Variants in GALNTL6 observed in about 807,000 individuals in gnomAD.
GALNTL6 encodes the protein polypeptide N-acetylgalactosaminyltransferase like 6.
A neutral mutation model predicts 73.7 loss-of-function variants in GALNTL6; 46 were observed. The observed-to-expected ratio is 0.62, with a 90% CI of 0.49 to 0.80. The LOEUF (loss-of-function observed/expected upper bound fraction) is 0.80. GALNTL6 is among the 30% of genes least tolerant of loss of function. GALNTL6 has a pLI of 0.00. For synonymous variants in GALNTL6, 259 were observed against 263.7 expected (o/e 0.98, Z 0.17); for missense variants, 604 against 755.0 (o/e 0.80, Z 2.34).
chr4:172,518,890 C>T (rs192248151), intron 5 of GALNTL6, among the ~76,000 whole-genome samples: 1 of 151,702 alleles, frequency 6.6e-6, no homozygotes, highest in Non-Finnish European at 1.5e-5. Flanking sequence ...AATAAAGACA[C>T]TAAGGTTTCA....
intron 3 of GALNTL6, among the ~76,000 whole-genome samples, chr4:172,237,822 T>C (rs1737290801): frequency 6.6e-6 from 1 of 152,062 alleles, no homozygotes; most frequent in Non-Finnish European, 1.5e-5. Context: ...CCAGTTACCA[T>C]AGCACCATTT....
At chr4:172,762,909 C>T (rs74429661) in intron 5 of GALNTL6, among the ~76,000 whole-genome samples, 1 of 42,756 alleles carries the variant, frequency 2.3e-5, no homozygotes, top group South Asian at 4.4e-4. Context: ...GTTTAAAAAA[C>T]ATTAGAAAAG....
intron 7 of GALNTL6, among the ~76,000 whole-genome samples, chr4:172,826,494 T>C (rs1438044271): frequency 6.6e-6 from 1 of 152,144 alleles, no homozygotes; most frequent in Non-Finnish European, 1.5e-5. Flanking sequence ...AGGATATAAA[T>C]TCCAAACCAC....
intron 7 of GALNTL6, among the ~76,000 whole-genome samples, chr4:172,872,837 G>A (rs894201321): frequency 1.5e-4 from 23 of 152,120 alleles, no homozygotes; most frequent in Admixed American, 8.5e-4. Context: ...CACCTCTCCC[G>A]TCAATCACTA....
At chr4:172,102,993 A>G (rs927013976) in intron 2 of GALNTL6, among the ~76,000 whole-genome samples, 2 of 152,228 alleles carry the variant, frequency 1.3e-5, no homozygotes, top group African/African-American at 4.8e-5. Flanking sequence ...AGGAACCTGA[A>G]GAAGACCTCT....
chr4:172,113,061 G>A (rs1008736572), intron 2 of GALNTL6, among the ~76,000 whole-genome samples: 1 of 151,600 alleles, frequency 6.6e-6, no homozygotes, highest in South Asian at 2.1e-4. Flanking sequence ...ACATTTCACC[G>A]AGAATATATA....
intron 2 of GALNTL6, among the ~76,000 whole-genome samples, chr4:172,124,969 T>G (rs1049210277): frequency 6.6e-6 from 1 of 152,140 alleles, no homozygotes; most frequent in Non-Finnish European, 1.5e-5. Context: ...CTTTGCTTTT[T>G]TAGGCCTTCA....
chr4:172,716,246 T>C (rs1735082461), intron 5 of GALNTL6, among the ~76,000 whole-genome samples: 1 of 152,164 alleles, frequency 6.6e-6, no homozygotes, highest in South Asian at 2.1e-4. Context: ...GCTAGTCAGA[T>C]GTCCATAGTC....
chr4:172,260,080 C>T (rs569105820), intron 3 of GALNTL6, among the ~76,000 whole-genome samples: 3 of 151,162 alleles, frequency 2.0e-5, no homozygotes, highest in Non-Finnish European at 3.0e-5. Flanking sequence ...GGGCTTTTGC[C>T]GTTTTTTGGT....
intron 8 of GALNTL6, among the ~76,000 whole-genome samples, chr4:172,908,245 T>C (rs1747010514): frequency 1.3e-5 from 2 of 152,186 alleles, no homozygotes; most frequent in South Asian, 4.1e-4. Context: ...CACAGGTAAC[T>C]GAAACCATGG....
At chr4:173,035,021 A>G (rs1326107502) in intron 12 of GALNTL6, among the ~76,000 whole-genome samples, 1 of 151,976 alleles carries the variant, frequency 6.6e-6, no homozygotes, top group Non-Finnish European at 1.5e-5. Flanking sequence ...TCTTCCTTAA[A>G]TCTAGAACAA....
Position 172,262,489 on chromosome 4 carries a change from C to T in GALNTL6, c.247+32725C>T, listed in dbSNP as rs182335095. ...TTTGTGTGGAATATCTTTTTCCACC[C>T]CTTTACCTTAAATTTATGTGAGTCC... On this transcript the variant is annotated intron_variant, in intron 3 of 12. Coordinates refer to ENST00000506823, the MANE Select transcript of GALNTL6 (RefSeq NM_001034845.3). 2.0e-5 allele frequency among the ~76,000 whole-genome samples: 3 copies of T among 151,508 alleles called. No individual in the cohort carries two copies. In the Admixed American group the frequency reaches 2.0e-4, roughly 10 times the overall value.
chr4:172,774,479 T>C (rs747705136), intron 5 of GALNTL6, among the ~76,000 whole-genome samples: 1 of 152,200 alleles, frequency 6.6e-6, no homozygotes, highest in Non-Finnish European at 1.5e-5. Flanking sequence ...AAAACAATAT[T>C]GAAGATTACT....
At chr4:172,596,706 T>C (rs981218550) in intron 5 of GALNTL6, among the ~76,000 whole-genome samples, 4 of 152,192 alleles carry the variant, frequency 2.6e-5, no homozygotes, top group African/African-American at 7.2e-5. Flanking sequence ...AATTTTAAAA[T>C]TGCAATAGTT....
At chr4:172,362,712 G>A (rs1439160109) in intron 5 of GALNTL6, among the ~76,000 whole-genome samples, 1 of 152,112 alleles carries the variant, frequency 6.6e-6, no homozygotes, top group Non-Finnish European at 1.5e-5. Flanking sequence ...AACTCAATGT[G>A]TCCACATGTT....
chr4:172,698,428 C>T (rs1271911479), intron 5 of GALNTL6, among the ~76,000 whole-genome samples: 1 of 152,126 alleles, frequency 6.6e-6, no homozygotes. Flanking sequence ...CCGCTGAGAT[C>T]CCATCTACCC....
chr4:172,846,044 G>C (rs571479440), intron 7 of GALNTL6, among the ~76,000 whole-genome samples: 22 of 152,294 alleles, frequency 1.4e-4, no homozygotes, highest in African/African-American at 5.3e-4. Context: ...TTGGAAGATA[G>C]ATAGCCAATT....
chr4:172,104,671 G>C (rs1732628079), intron 2 of GALNTL6, among the ~76,000 whole-genome samples: 2 of 152,100 alleles, frequency 1.3e-5, no homozygotes, highest in Non-Finnish European at 2.9e-5. Context: ...TGGAGACTCT[G>C]GCTATATCCT....
rs757110707 is a variant in GALNTL6, at chr4:172,070,804, C to T, written c.139-158852C>T. Among the ~76,000 whole-genome samples the T allele has an allele frequency of 3.4e-4, 37 of 110,142 alleles. 10 individuals carry two copies. The Middle Eastern group carries it at 0.014, about 41-fold the overall frequency. The allele number at this position is 110,142 out of a possible 152,430, so 72.3% of individuals were successfully genotyped here. A position where few individuals can be genotyped will look rare whatever the true frequency, so the allele number is the denominator to read the frequency against. ...AAAATATACTTCTAAAAGTATATTA[C>T]TGAAAGCACTGTTTCTGTGATGACG... On this transcript the variant is annotated intron_variant, in intron 2 of 12. Coordinates refer to ENST00000506823, the MANE Select transcript of GALNTL6 (RefSeq NM_001034845.3).
Sources: gnomAD v4.1 joint callset for allele counts (sites outside exome capture counted in the v4.1 genomes callset) on GRCh38, gnomAD v4.1.1 for gene constraint, MANE v1.5 for transcripts, NCBI Gene and HGNC (gene_info 2026-07-23, HGNC 2026-07-21) for gene names.